INSL6: variants seen among roughly 807,000 people sequenced by gnomAD.
INSL6 encodes the protein insulin like 6, also known as insulin-like peptide INSL6.
INSL6 carries 16 observed loss-of-function variants against 9.4 expected under a neutral mutation model. That is an observed-to-expected ratio of 1.70 (90% CI 1.15 to 2.59). The LOEUF (loss-of-function observed/expected upper bound fraction) is 2.59, where lower values mean the gene tolerates loss of function less well. Among genes scored for constraint, INSL6 ranks in the 30% most tolerant of loss-of-function variants. The pLI, the probability that INSL6 is intolerant of heterozygous loss-of-function variation, is 0.00. For synonymous variants in INSL6, 154 were observed against 96.9 expected, an observed-to-expected ratio of 1.59 and a Z score of -3.46; for missense variants, 391 against 257.3, an observed-to-expected ratio of 1.52 and a Z score of -3.56.
At chr9:5,100,258 G>T in the INSL6 span, 2 of 152,072 alleles carry the variant, frequency 1.3e-5, no homozygotes, top group African/African-American at 4.8e-5. Context: ...ACACATGCTT[G>T]CCATATAGTC....
At chr9:5,120,565 T>TA (rs1487644654), downstream of INSL6, among the ~76,000 whole-genome samples, 4 of 152,218 alleles carry the variant, frequency 2.6e-5, no homozygotes, top group Admixed American at 6.5e-5. Flanking sequence ...TTAAATGTTG[T>TA]AAAAAATCGG....
intron 1 of INSL6, among the ~76,000 whole-genome samples, chr9:5,185,094 T>G (rs558288065): frequency 2.0e-5 from 3 of 152,206 alleles, no homozygotes; most frequent in African/African-American, 7.2e-5. Flanking sequence ...TACATAAATA[T>G]GTAGACTTAC....
At chr9:5,170,676 G>T (rs1012363902) in intron 1 of INSL6, among the ~76,000 whole-genome samples, 2 of 151,424 alleles carry the variant, frequency 1.3e-5, no homozygotes, top group East Asian at 1.9e-4. Context: ...TGACCCCACA[G>T]AAATACAAAC....
the INSL6 span, among the ~76,000 whole-genome samples, chr9:5,029,489 C>T: frequency 5.3e-5 from 8 of 152,044 alleles, no homozygotes; most frequent in Non-Finnish European, 8.8e-5. Context: ...ATGGTGCTGA[C>T]AGACTTACTA....
chr9:5,135,970 A>C (rs1452322191), intron 2 of INSL6, among the ~76,000 whole-genome samples: 1 of 152,220 alleles, frequency 6.6e-6, no homozygotes, highest in Non-Finnish European at 1.5e-5. Flanking sequence ...AGAAATACAA[A>C]CTACCATCGG....
the INSL6 span, chr9:5,080,386 T>C: frequency 6.2e-7 from 1 of 1,605,906 alleles, no homozygotes; most frequent in Non-Finnish European, 8.5e-7. Flanking sequence ...AAAGAGTAAG[T>C]TTATATAGAC....
the INSL6 span, among the ~76,000 whole-genome samples, chr9:5,058,654 A>G: frequency 2.0e-5 from 3 of 152,164 alleles, no homozygotes; most frequent in Non-Finnish European, 2.9e-5. Flanking sequence ...CAGCGGCACC[A>G]TTTTACATTC....
At chr9:5,166,908 C>T (rs1272560528) in intron 1 of INSL6, among the ~76,000 whole-genome samples, 1 of 152,104 alleles carries the variant, frequency 6.6e-6, no homozygotes, top group Admixed American at 6.5e-5. Context: ...TATTAGTTAA[C>T]TGAATCCATA....
At chr9:5,027,896 T>G in the INSL6 span, among the ~76,000 whole-genome samples, 1 of 152,188 alleles carries the variant, frequency 6.6e-6, no homozygotes, top group Non-Finnish European at 1.5e-5. Context: ...TCTTGTTACT[T>G]CTACCACATC....
the INSL6 span, among the ~76,000 whole-genome samples, chr9:5,022,406 G>C: frequency 1.3e-5 from 2 of 151,978 alleles, no homozygotes; most frequent in African/African-American, 2.4e-5. Context: ...CTTGGGCTAG[G>C]TATCAAAACA....
chr9:5,141,200 T>C (rs1370311672), intron 2 of INSL6, among the ~76,000 whole-genome samples: 1 of 152,198 alleles, frequency 6.6e-6, no homozygotes, highest in African/African-American at 2.4e-5. Context: ...GAATGATTTA[T>C]ATTTCTTTGT....
chr9:5,170,927 A>ATTCT (rs954559491), intron 1 of INSL6, among the ~76,000 whole-genome samples: 1 of 152,206 alleles, frequency 6.6e-6, no homozygotes, highest in African/African-American at 2.4e-5. Context: ...AGGAGCTGAT[A>ATTCT]TTCTTTCTTC....
the INSL6 span, among the ~76,000 whole-genome samples, chr9:5,021,336 C>T: frequency 6.6e-6 from 1 of 152,182 alleles, no homozygotes; most frequent in African/African-American, 2.4e-5. Flanking sequence ...TTCTGGACCC[C>T]TCTTCCCCCA....
At chr9:5,105,095 A>C in the INSL6 span, among the ~76,000 whole-genome samples, 1 of 152,226 alleles carries the variant, frequency 6.6e-6, no homozygotes, top group African/African-American at 2.4e-5. Flanking sequence ...AGGGTATTCA[A>C]TTAGGAAAAG....
the INSL6 span, among the ~76,000 whole-genome samples, chr9:5,001,130 C>A: frequency 6.6e-6 from 1 of 152,094 alleles, no homozygotes; most frequent in Non-Finnish European, 1.5e-5. Context: ...TTGATAAATA[C>A]AATCATGTCT....
At chr9:5,054,731 G>A in the INSL6 span, 1 of 1,613,308 alleles carries the variant, frequency 6.2e-7, no homozygotes, top group Non-Finnish European at 8.5e-7. This position sits in a 1 kb window ranked among gnomAD's most constrained non-coding sequence, Gnocchi z 4.9. Flanking sequence ...TGGAAACTCT[G>A]CAGTCTGCCT....
At chr9:5,168,154 G>C (rs1825096377) in intron 1 of INSL6, among the ~76,000 whole-genome samples, 1 of 152,166 alleles carries the variant, frequency 6.6e-6, no homozygotes, top group South Asian at 2.1e-4. Context: ...AACTCAAAAA[G>C]CAAGAGTGCC....
chr9:5,083,436 G>T, the INSL6 span, among the ~76,000 whole-genome samples: 1 of 152,136 alleles, frequency 6.6e-6, no homozygotes, highest in African/African-American at 2.4e-5. Flanking sequence ...GTTATTATCA[G>T]CTATTCCTAA....
At chr9:5,112,288 C>T in the INSL6 span, 128,982 of 257,364 alleles carry the variant, frequency 0.5, 33,071 homozygotes, top group South Asian at 0.51. Flanking sequence ...GCCTCATGCA[C>T]ATCCATGTTG....
Sources: allele counts gnomAD v4.1 joint callset (sites outside exome capture counted in the v4.1 genomes callset), GRCh38; gene constraint gnomAD v4.1.1; non-coding constraint Gnocchi (gnomAD v3.1); transcripts MANE v1.5; gene names NCBI Gene and HGNC (gene_info 2026-07-23, HGNC 2026-07-21).